The following ABLIM1 variants were observed in gnomAD, a reference collection of about 807,000 sequenced individuals.
The protein encoded by ABLIM1 is actin-binding LIM protein 1.
In ABLIM1, 40 loss-of-function variants were observed where a neutral mutation model predicts 107.0. That is an observed-to-expected ratio of 0.37 (90% CI 0.29 to 0.49). The LOEUF is 0.49. Ranked by LOEUF, ABLIM1 falls within the 20% of genes least tolerant of loss-of-function variation. The probability of loss-of-function intolerance (pLI) is 0.97; values close to 1 mark genes in which losing one functional copy is unlikely to be tolerated. For missense variants in ABLIM1, 857 were observed against 1,008.5 expected (o/e 0.85, Z 2.04); for synonymous variants, 357 against 357.3 (o/e 1.00, Z 0.01).
At chr10:114,542,694 G>T (rs990668586) in intron 6 of ABLIM1, among the ~76,000 whole-genome samples, 3 of 152,152 alleles carry the variant, frequency 2.0e-5, no homozygotes, top group African/African-American at 7.2e-5. Flanking sequence ...CTCCACAAGA[G>T]ATCAAACTCA....
At chr10:114,690,307 A>C in intron 1 of ABLIM1, 1 of 1,592,906 alleles carries the variant, frequency 6.3e-7, no homozygotes, top group Non-Finnish European at 8.6e-7. Context: ...CAGATGAAAA[A>C]CTGGGAACCG....
intron 6 of ABLIM1, among the ~76,000 whole-genome samples, chr10:114,533,913 A>G (rs1207666720): frequency 6.6e-6 from 1 of 152,188 alleles, no homozygotes; most frequent in African/African-American, 2.4e-5. Flanking sequence ...CTTGTTCTCA[A>G]GTGATCCTCC....
intron 1 of ABLIM1, among the ~76,000 whole-genome samples, chr10:114,736,413 A>C (rs950630838): frequency 6.6e-6 from 1 of 152,236 alleles, no homozygotes; most frequent in Non-Finnish European, 1.5e-5. Flanking sequence ...ACTGGGTTGG[A>C]TATTAAAAAA....
At chr10:114,568,191 C>T (rs1315022745) in intron 4 of ABLIM1, among the ~76,000 whole-genome samples, 3 of 97,694 alleles carry the variant, frequency 3.1e-5, no homozygotes, top group African/African-American at 1.4e-4. Flanking sequence ...AGCAAGACTC[C>T]GTCTCAAAAA....
intron 12 of ABLIM1, among the ~76,000 whole-genome samples, chr10:114,464,330 C>T (rs569041119): frequency 5.3e-5 from 8 of 152,056 alleles, no homozygotes; most frequent in African/African-American, 1.7e-4. Flanking sequence ...GGACTACAGG[C>T]GCATGCCACC....
At chr10:114,623,903 C>T (rs1455884263) in intron 1 of ABLIM1, among the ~76,000 whole-genome samples, 1 of 152,196 alleles carries the variant, frequency 6.6e-6, no homozygotes, top group Non-Finnish European at 1.5e-5. Flanking sequence ...ACCCCTGTTC[C>T]ACCCCCAGGG....
At chr10:114,614,824 C>T (rs142445503) in intron 1 of ABLIM1, among the ~76,000 whole-genome samples, 3,621 of 152,116 alleles carry the variant, frequency 0.024, 144 homozygotes, top group African/African-American at 0.076. Context: ...GAGGCCAAGG[C>T]GGGTGGATCA....
chr10:114,605,679 A>T (rs1039532759), intron 1 of ABLIM1, among the ~76,000 whole-genome samples: 1 of 152,190 alleles, frequency 6.6e-6, no homozygotes, highest in African/African-American at 2.4e-5. Context: ...GCATGGCTGC[A>T]CACTCTCTGA....
chr10:114,780,625 G>A, the ABLIM1 span, among the ~76,000 whole-genome samples: 1 of 152,134 alleles, frequency 6.6e-6, no homozygotes, highest in Non-Finnish European at 1.5e-5. Flanking sequence ...GTTTTGGTTT[G>A]GTGGTGTGAA....
At chr10:114,651,620 G>A (rs771585318) in intron 1 of ABLIM1, among the ~76,000 whole-genome samples, 25 of 152,058 alleles carry the variant, frequency 1.6e-4, no homozygotes, top group Non-Finnish European at 1.9e-4. Context: ...ATGATTCTGG[G>A]AAATATGATT....
intron 12 of ABLIM1, among the ~76,000 whole-genome samples, chr10:114,463,527 C>T (rs1396047764): frequency 2.6e-5 from 4 of 151,056 alleles, no homozygotes; most frequent in African/African-American, 4.9e-5. Context: ...CTCTGAAATG[C>T]TTATTAAAAA....
intron 21 of ABLIM1, among the ~76,000 whole-genome samples, chr10:114,438,892 G>A (rs1200504221): frequency 3.3e-5 from 5 of 152,214 alleles, no homozygotes; most frequent in African/African-American, 4.8e-5. Flanking sequence ...ACTCAGCACC[G>A]GATATGCTCT....
chr10:114,486,397 A>AC (rs2058190345), intron 8 of ABLIM1, among the ~76,000 whole-genome samples: 1 of 152,190 alleles, frequency 6.6e-6, no homozygotes, highest in Non-Finnish European at 1.5e-5. Flanking sequence ...TACTATAGCT[A>AC]CTGGGGTGGT....
rs2059205335 is a variant in ABLIM1, at chr10:114,434,758, T to C, written c.*1502A>G. ...TCGGGAATCATGATGTGGTTTCATA[T>C]GCACGCACGTGTTGGGGAAACCCTA... On this transcript the variant is annotated 3_prime_UTR_variant, in exon 23 of 23. Coordinates refer to ENST00000533213, the MANE Select transcript of ABLIM1 (RefSeq NM_002313.7). 6.6e-6 allele frequency: 1 copy of C among 152,218 alleles called. No individual in the cohort carries two copies. Among genetic ancestry groups the C allele is most frequent in the South Asian group, 2.1e-4 (1 of 4,830 alleles). The allele number at this position is 152,218 out of a possible 1,614,324, so 9.4% of individuals were successfully genotyped here.
intron 1 of ABLIM1, among the ~76,000 whole-genome samples, chr10:114,616,933 C>T (rs955291618): frequency 6.6e-6 from 1 of 152,204 alleles, no homozygotes; most frequent in Non-Finnish European, 1.5e-5. Flanking sequence ...GAAACTGAGG[C>T]AACAGGAGGT....
Position 114,445,277 on chromosome 10 carries a change from A to T in ABLIM1, c.1827+35T>A, listed in dbSNP as rs774099573. ...AAAATATAGATCTTATGTAACTAGCATTGAAGACAGCAGCAAGGTAGTTTA... is the reference window on the plus strand; with the variant it reads ...AAAATATAGATCTTATGTAACTAGCTTTGAAGACAGCAGCAAGGTAGTTTA... On this transcript the variant is annotated intron_variant, in intron 16 of 22. Transcript: ENST00000533213. 4 of 1,564,150 alleles carry T rather than the reference A, an allele frequency of 2.6e-6. No homozygotes were observed. The South Asian group carries it at 4.4e-5, about 17-fold the overall frequency.
chr10:114,496,760 G>A (rs1395591770), intron 6 of ABLIM1, among the ~76,000 whole-genome samples: 1 of 152,204 alleles, frequency 6.6e-6, no homozygotes, highest in Admixed American at 6.5e-5. Flanking sequence ...TTCATCCCAA[G>A]ATGCTGAACA....
chr10:114,641,445 A>G (rs898418228), intron 1 of ABLIM1, among the ~76,000 whole-genome samples: 5 of 152,288 alleles, frequency 3.3e-5, no homozygotes, highest in South Asian at 4.1e-4. Context: ...TGAAGGAGCT[A>G]TGTCCTAGTT....
At chr10:114,693,691 C>T (rs1266600592) in intron 1 of ABLIM1, among the ~76,000 whole-genome samples, 5 of 151,618 alleles carry the variant, frequency 3.3e-5, no homozygotes. Flanking sequence ...CTCTGTCACT[C>T]AGGCTGGAGT....
Sources: gnomAD v4.1 joint callset for allele counts (sites outside exome capture counted in the v4.1 genomes callset) on GRCh38, gnomAD v4.1.1 for gene constraint, MANE v1.5 for transcripts, NCBI Gene and HGNC (gene_info 2026-07-23, HGNC 2026-07-21) for gene names.